Variants in MRPS6 observed in about 807,000 individuals in gnomAD.
The protein encoded by MRPS6 is small ribosomal subunit protein bS6m.
Under a neutral mutation model 13.1 loss-of-function variants are expected in MRPS6, and 6 were observed. The observed-to-expected ratio is 0.46, with a 90% CI of 0.25 to 0.91. The LOEUF is 0.91. Among genes scored for constraint, MRPS6 ranks in the 40% least tolerant of loss-of-function variants. The pLI is 0.18. For missense variants in MRPS6, 164 were observed against 155.6 expected (o/e 1.05, Z -0.29); for synonymous variants, 61 against 56.5 (o/e 1.08, Z -0.36).
chr21:34,089,548 G>T (rs1978574481), intron 1 of MRPS6, among the ~76,000 whole-genome samples: 1 of 152,074 alleles, frequency 6.6e-6, no homozygotes, highest in Non-Finnish European at 1.5e-5. Context: ...TATATCTTGG[G>T]CGGAGTGTAT....
chr21:34,107,120 T>G (rs1602943325), intron 1 of MRPS6, among the ~76,000 whole-genome samples: 1 of 152,166 alleles, frequency 6.6e-6, no homozygotes, highest in Non-Finnish European at 1.5e-5. Context: ...TTAGTAGAGA[T>G]ATGGTTTTGC....
intron 1 of MRPS6, chr21:34,101,219 T>C: frequency 1.0e-6 from 1 of 1,000,034 alleles, no homozygotes; most frequent in African/African-American, 1.7e-5. Context: ...AAAATCTGCA[T>C]ATGTAGAATC....
intron 1 of MRPS6, among the ~76,000 whole-genome samples, chr21:34,089,838 G>A (rs1450414215): frequency 6.6e-6 from 1 of 152,142 alleles, no homozygotes; most frequent in Admixed American, 6.5e-5. Flanking sequence ...ACTTGAGGGT[G>A]CAAGTTTAAT....
chr21:34,074,211 G>A (rs1989265397), intron 1 of MRPS6, among the ~76,000 whole-genome samples: 2 of 150,494 alleles, frequency 1.3e-5, no homozygotes, highest in African/African-American at 4.9e-5. Context: ...GGCTGCCGCC[G>A]ACCGCCTCCG....
chr21:34,076,028 A>G (rs1425934165), intron 1 of MRPS6, among the ~76,000 whole-genome samples: 1 of 152,142 alleles, frequency 6.6e-6, no homozygotes, highest in Non-Finnish European at 1.5e-5. Context: ...ACGTTTTTAG[A>G]TTCTTAAGTG....
At chr21:34,118,557 C>CTTTCTTTTTT (rs1556008872) in intron 1 of MRPS6, among the ~76,000 whole-genome samples, 9 of 133,162 alleles carry the variant, frequency 6.8e-5, no homozygotes, top group African/African-American at 2.6e-4. Flanking sequence ...TTCTTTCTTT[C>CTTTCTTTTTT]TTTTTTTTTT....
intron 1 of MRPS6, among the ~76,000 whole-genome samples, chr21:34,116,533 C>G (rs1979918671): frequency 6.6e-6 from 1 of 151,926 alleles, no homozygotes; most frequent in African/African-American, 2.4e-5. Flanking sequence ...TTATGATGAG[C>G]ATTTTTCATA....
chr21:34,077,104 T>A (rs1450333388), intron 1 of MRPS6, among the ~76,000 whole-genome samples: 7 of 152,152 alleles, frequency 4.6e-5, no homozygotes, highest in Non-Finnish European at 1.0e-4. Flanking sequence ...GAAGGGGTCA[T>A]GTGTTTGGTG....
At chr21:34,099,818 T>A in intron 1 of MRPS6, 2 of 652,112 alleles carry the variant, frequency 3.1e-6, no homozygotes, top group Non-Finnish European at 3.9e-6. Flanking sequence ...CTTGCCAGTA[T>A]AAACATCATT....
chr21:34,073,933 G>T (rs1468924418), intron 1 of MRPS6, among the ~76,000 whole-genome samples, 188 bp downstream of exon 1: 1 of 145,232 alleles, frequency 6.9e-6, no homozygotes, highest in African/African-American at 2.5e-5. Context: ...GGGCCCGGCC[G>T]CGTGCGCGCG....
intron 1 of MRPS6, among the ~76,000 whole-genome samples, chr21:34,094,397 G>C (rs1482724518): frequency 6.6e-6 from 1 of 152,106 alleles, no homozygotes; most frequent in Admixed American, 6.6e-5. Context: ...CCACCTGCCT[G>C]TTCCATCCAG....
At chr21:34,119,228 A>T (rs1980035407) in intron 1 of MRPS6, among the ~76,000 whole-genome samples, 1 of 152,160 alleles carries the variant, frequency 6.6e-6, no homozygotes, top group African/African-American at 2.4e-5. Flanking sequence ...TGCTTATGTC[A>T]TTAGGCAAGG....
intron 2 of MRPS6, among the ~76,000 whole-genome samples, chr21:34,133,016 G>T (rs1569425284): frequency 2.6e-5 from 4 of 152,144 alleles, no homozygotes; most frequent in African/African-American, 4.8e-5. Flanking sequence ...GAGGAGTATT[G>T]TTGCTGGGGA....
chr21:34,109,606 G>A (rs1313280767), intron 1 of MRPS6, among the ~76,000 whole-genome samples: 1 of 152,072 alleles, frequency 6.6e-6, no homozygotes, highest in Non-Finnish European at 1.5e-5. Context: ...CTTCAAATAT[G>A]CATCTCAGGA....
intron 1 of MRPS6, chr21:34,105,100 T>C (rs1255552200): frequency 2.0e-6 from 2 of 1,000,098 alleles, no homozygotes; most frequent in Admixed American, 1.2e-4. Context: ...TTTTTTTTAA[T>C]AATGCCATAC....
chr21:34,081,282 C>T (rs896124288), intron 1 of MRPS6, among the ~76,000 whole-genome samples: 2 of 152,036 alleles, frequency 1.3e-5, no homozygotes, highest in Admixed American at 6.6e-5. Flanking sequence ...CAGGGAACTC[C>T]AGGTCATCGA....
At chr21:34,136,016 A>G (rs535793759) in intron 2 of MRPS6, 29 of 281,670 alleles carry the variant, frequency 1.0e-4, no homozygotes, top group African/African-American at 6.4e-4. Context: ...CCACTTCCCA[A>G]AGAGCTTGGT....
At chr21:34,075,896 C>G (rs953811250) in intron 1 of MRPS6, among the ~76,000 whole-genome samples, 2 of 152,146 alleles carry the variant, frequency 1.3e-5, no homozygotes, top group Admixed American at 6.5e-5. Flanking sequence ...ATGAAAAATG[C>G]GACTGTGAGC....
At chr21:34,083,935 G>A (rs1186897573) in intron 1 of MRPS6, among the ~76,000 whole-genome samples, 3 of 152,168 alleles carry the variant, frequency 2.0e-5, no homozygotes, top group Non-Finnish European at 2.9e-5. Context: ...GAAAACAGTC[G>A]TGACCCTATT....
Sources: allele counts gnomAD v4.1 joint callset (sites outside exome capture counted in the v4.1 genomes callset), GRCh38; gene constraint gnomAD v4.1.1; transcripts MANE v1.5; gene names NCBI Gene and HGNC (gene_info 2026-07-23, HGNC 2026-07-21).